The following ATP2C1 variants were observed in gnomAD, a reference collection of about 807,000 sequenced individuals.
ATP2C1 encodes calcium-transporting ATPase type 2C member 1.
In ATP2C1, 31 loss-of-function variants were observed where a neutral mutation model predicts 120.5. The ratio of observed to expected loss-of-function variants is 0.26; its 90% CI spans 0.19 to 0.35. The LOEUF (loss-of-function observed/expected upper bound fraction) is 0.35. Ranked by LOEUF, ATP2C1 falls within the 10% of genes least tolerant of loss-of-function variation. The probability of loss-of-function intolerance (pLI) is 1.00; values close to 1 mark genes in which losing one functional copy is unlikely to be tolerated. For missense variants in ATP2C1, 731 were observed against 1,107.5 expected, an observed-to-expected ratio of 0.66 and a Z score of 4.83; for synonymous variants, 351 against 358.7, an observed-to-expected ratio of 0.98 and a Z score of 0.24.
chr3:130,861,128 G>C (rs1311829116), intron 1 of ATP2C1, among the ~76,000 whole-genome samples: 4 of 152,100 alleles, frequency 2.6e-5, no homozygotes, highest in African/African-American at 9.7e-5. Context: ...AATTAGCCAG[G>C]CTTGGTGGCA....
chr3:130,892,072 G>A (rs1025922071), upstream of ATP2C1, among the ~76,000 whole-genome samples: 6 of 152,066 alleles, frequency 3.9e-5, no homozygotes, highest in African/African-American at 1.2e-4. Context: ...GTCATTTTAG[G>A]AATAAACCAT....
chr3:130,990,803 T>C (rs1199694345), intron 20 of ATP2C1, among the ~76,000 whole-genome samples: 2 of 152,160 alleles, frequency 1.3e-5, no homozygotes, highest in Non-Finnish European at 2.9e-5. Context: ...AGATTCGCTG[T>C]CAAACTGCTT....
At chr3:130,997,858 C>A in intron 25 of ATP2C1, 105 bp downstream of exon 25, 1 of 1,187,612 alleles carries the variant, frequency 8.4e-7, no homozygotes, top group Non-Finnish European at 1.2e-6. Flanking sequence ...GTTAAGGGAG[C>A]TCTTTTAGTG....
At chr3:130,980,707 T>A in intron 20 of ATP2C1, 28 bp downstream of exon 20, 4 of 1,464,698 alleles carry the variant, frequency 2.7e-6, no homozygotes, top group Non-Finnish European at 3.8e-6. Flanking sequence ...CCTTTTGGAC[T>A]GAAAGGCCTT....
At chr3:130,906,144 T>G (rs2058109978) in intron 2 of ATP2C1, among the ~76,000 whole-genome samples, 1 of 152,058 alleles carries the variant, frequency 6.6e-6, no homozygotes, top group South Asian at 2.1e-4. Flanking sequence ...TCAGTGGTTT[T>G]TAGTATAGTC....
At chr3:130,931,996 T>G in intron 3 of ATP2C1, 26 bp from the exon 4 acceptor site, 1 of 1,406,544 alleles carries the variant, frequency 7.1e-7, no homozygotes, top group Non-Finnish European at 1.0e-6. Context: ...ACATTTTCAA[T>G]AACTTTCATG....
At chr3:130,895,405 C>G (rs1308664902) in intron 2 of ATP2C1, among the ~76,000 whole-genome samples, 1 of 152,226 alleles carries the variant, frequency 6.6e-6, no homozygotes, top group Non-Finnish European at 1.5e-5. Context: ...GATCGTCATT[C>G]ACATGTTACA....
chr3:130,955,579 G>A (rs1221595521), intron 10 of ATP2C1, among the ~76,000 whole-genome samples: 2 of 152,126 alleles, frequency 1.3e-5, no homozygotes, highest in Admixed American at 6.5e-5. Flanking sequence ...CAAATGTCGT[G>A]TTCTCCCCAA....
chr3:130,988,849 C>T (rs1361786172), intron 20 of ATP2C1, among the ~76,000 whole-genome samples: 1 of 152,154 alleles, frequency 6.6e-6, no homozygotes, highest in African/African-American at 2.4e-5. Flanking sequence ...GGCTGGGGAC[C>T]AAGTCTCCAC....
chr3:130,879,605 T>C (rs559565214), intron 1 of ATP2C1, among the ~76,000 whole-genome samples: 1 of 152,352 alleles, frequency 6.6e-6, no homozygotes, highest in Non-Finnish European at 1.5e-5. Context: ...ATTTCCTTGC[T>C]TTTTCATGTT....
intron 1 of ATP2C1, among the ~76,000 whole-genome samples, chr3:130,884,925 T>C (rs2068914118): frequency 6.9e-6 from 1 of 143,888 alleles, no homozygotes; most frequent in African/African-American, 2.6e-5. Flanking sequence ...TTCTTTCTTT[T>C]CTTTCTTTTT....
rs1049555524 is a variant in ATP2C1, at chr3:130,894,305, C to T, written c.-213C>T. 2 of 987,612 alleles carry T rather than the reference C, an allele frequency of 2.0e-6. No individual in the cohort carries two copies. The highest frequency in any genetic ancestry group is 2.4e-6 in the Non-Finnish European group (2 of 831,244). 61.2% of individuals were successfully genotyped at this position (987,612 alleles called of 1,614,324 possible). A position where few individuals can be genotyped will look rare whatever the true frequency, so the allele number is the denominator to read the frequency against. ...CCCGCGAGCCCCGCGGCTGAGACCC[C>T]GCAGCCTGGAGGAGGGCTGTCCGGG... On this transcript the variant is annotated 5_prime_UTR_variant, in exon 1 of 28. Coordinates refer to ENST00000510168, the MANE Select transcript of ATP2C1 (RefSeq NM_001378687.1). The surrounding 1 kb of genome is among the most constrained non-coding windows in gnomAD (Gnocchi z 4.5).
At chr3:130,978,063 A>C (rs538012490) in intron 18 of ATP2C1, among the ~76,000 whole-genome samples, 6 of 152,136 alleles carry the variant, frequency 3.9e-5, no homozygotes, top group Non-Finnish European at 8.8e-5. Flanking sequence ...CCCCTCCATT[A>C]GGAGTGCGCA....
At chr3:130,995,975 T>C (rs1283638552) in intron 22 of ATP2C1, 68 bp from the exon 23 acceptor site, 2 of 1,019,548 alleles carry the variant, frequency 2.0e-6, no homozygotes, top group Non-Finnish European at 3.1e-6. Flanking sequence ...AGCTCTACAG[T>C]GTTTTAGTAT....
At chr3:130,900,557 T>G (rs1463361497) in intron 2 of ATP2C1, among the ~76,000 whole-genome samples, 2 of 152,204 alleles carry the variant, frequency 1.3e-5, no homozygotes, top group South Asian at 2.1e-4. Context: ...ATATTTAGGA[T>G]GTCACTCATC....
chr3:130,907,749 T>C (rs1339688909), intron 2 of ATP2C1, among the ~76,000 whole-genome samples: 1 of 151,310 alleles, frequency 6.6e-6, no homozygotes, highest in African/African-American at 2.4e-5. Context: ...TTTTTTCAGA[T>C]TGTTTTGTCT....
At chr3:130,897,728 G>A (rs73872038) in intron 2 of ATP2C1, among the ~76,000 whole-genome samples, 4,429 of 152,078 alleles carry the variant, frequency 0.029, 204 homozygotes, top group African/African-American at 0.096. Context: ...TTTTCCTAGG[G>A]CCCATTTAAA....
chr3:131,009,020 A>G (rs1204456724), intron 26 of ATP2C1, among the ~76,000 whole-genome samples: 1 of 152,006 alleles, frequency 6.6e-6, no homozygotes, highest in African/African-American at 2.4e-5. Flanking sequence ...TGCTCACCCA[A>G]TTTTTTATCC....
At chr3:130,998,214 T>C in intron 25 of ATP2C1, 80 bp from the exon 26 acceptor site, 1 of 958,550 alleles carries the variant, frequency 1.0e-6, no homozygotes, top group Admixed American at 1.8e-5. Flanking sequence ...GGAAAGAAAA[T>C]GTTTATATTT....
Sources: gnomAD v4.1 joint callset for allele counts (sites outside exome capture counted in the v4.1 genomes callset) on GRCh38, gnomAD v4.1.1 for gene constraint, Gnocchi (gnomAD v3.1) non-coding constraint, MANE v1.5 for transcripts, NCBI Gene and HGNC (gene_info 2026-07-23, HGNC 2026-07-21) for gene names.